NRG1: variants seen among roughly 807,000 people sequenced by gnomAD.
NRG1 encodes pro-neuregulin-1, membrane-bound isoform.
A neutral mutation model predicts 63.8 loss-of-function variants in NRG1; 18 were observed. The observed-to-expected ratio is 0.28, with a 90% CI of 0.19 to 0.42. The LOEUF (loss-of-function observed/expected upper bound fraction) is 0.42. Among genes scored for constraint, NRG1 ranks in the 10% least tolerant of loss-of-function variants. The pLI is 1.00. For synonymous variants in NRG1, 302 were observed against 301.3 expected (o/e 1.00, Z -0.02); for missense variants, 762 against 814.7 (o/e 0.94, Z 0.79).
At chr8:32,254,418 G>T (rs1246812351) in intron 1 of NRG1, among the ~76,000 whole-genome samples, 1 of 152,146 alleles carries the variant, frequency 6.6e-6, no homozygotes, top group Non-Finnish European at 1.5e-5. Flanking sequence ...ATTTATTTCT[G>T]CCTTCATTTC....
chr8:32,474,279 C>T (rs1167694482), intron 1 of NRG1, among the ~76,000 whole-genome samples: 2 of 152,164 alleles, frequency 1.3e-5, no homozygotes, highest in Non-Finnish European at 2.9e-5. Flanking sequence ...ATTCTGGGAA[C>T]TCCTTGAAAT....
chr8:32,681,041 T>A (rs1020322948), intron 5 of NRG1, among the ~76,000 whole-genome samples: 2 of 152,144 alleles, frequency 1.3e-5, no homozygotes, highest in African/African-American at 2.4e-5. Context: ...CAAAGCCAGT[T>A]CTCTTTCCAT....
chr8:31,659,889 T>C (rs1282118272), intron 1 of NRG1, among the ~76,000 whole-genome samples: 1 of 152,154 alleles, frequency 6.6e-6, no homozygotes, highest in Non-Finnish European at 1.5e-5. Context: ...GACTTGGGTG[T>C]ATTTGGTGTG....
At chr8:32,540,463 T>C (rs1462773680) in intron 1 of NRG1, among the ~76,000 whole-genome samples, 5 of 152,156 alleles carry the variant, frequency 3.3e-5, no homozygotes, top group African/African-American at 1.2e-4. Flanking sequence ...AATAAAAATG[T>C]CATTCAATCC....
intron 1 of NRG1, among the ~76,000 whole-genome samples, chr8:32,588,366 A>G (rs1202964950): frequency 6.6e-6 from 1 of 152,186 alleles, no homozygotes; most frequent in Non-Finnish European, 1.5e-5. Context: ...ATCTTAAAGA[A>G]TCATACTGTT....
chr8:32,230,712 A>G (rs2132583171), intron 1 of NRG1, among the ~76,000 whole-genome samples: 1 of 152,284 alleles, frequency 6.6e-6, no homozygotes. Flanking sequence ...ATGTTAAGAA[A>G]CAGGATCTTT....
chr8:32,066,157 G>T (rs569198559), intron 1 of NRG1, among the ~76,000 whole-genome samples: 21 of 152,348 alleles, frequency 1.4e-4, no homozygotes, highest in Non-Finnish European at 2.2e-4. Context: ...TCTGATGGTA[G>T]TTTCTTTTGC....
At chr8:31,726,884 G>T (rs1271746505) in intron 1 of NRG1, among the ~76,000 whole-genome samples, 1 of 152,154 alleles carries the variant, frequency 6.6e-6, no homozygotes, top group Admixed American at 6.5e-5. Context: ...ACAGAGGGTA[G>T]TGTCCAGAGA....
intron 1 of NRG1, among the ~76,000 whole-genome samples, chr8:32,515,621 T>A (rs561958974): frequency 6.6e-6 from 1 of 152,042 alleles, no homozygotes; most frequent in South Asian, 2.1e-4. Context: ...TAAAAAAAAT[T>A]GTAGAAACAA....
chr8:32,500,960 G>C (rs1400680211), intron 1 of NRG1, among the ~76,000 whole-genome samples: 5 of 152,112 alleles, frequency 3.3e-5, no homozygotes, highest in Admixed American at 1.3e-4. Flanking sequence ...AATCCTTACT[G>C]TGTCCAGTGT....
At chr8:32,389,950 G>A (rs1036777898) in intron 1 of NRG1, among the ~76,000 whole-genome samples, 3 of 151,996 alleles carry the variant, frequency 2.0e-5, no homozygotes, top group African/African-American at 7.2e-5. Context: ...AGTAGAAAGA[G>A]GGTTTCACCA....
intron 5 of NRG1, among the ~76,000 whole-genome samples, chr8:32,618,108 G>T (rs1035457392): frequency 6.6e-6 from 1 of 151,942 alleles, no homozygotes; most frequent in Non-Finnish European, 1.5e-5. Context: ...TTCTGCCGGG[G>T]AATTTGTGCT....
intron 1 of NRG1, among the ~76,000 whole-genome samples, chr8:31,866,842 A>G (rs1829004570): frequency 6.6e-6 from 1 of 152,184 alleles, no homozygotes. Flanking sequence ...TTTAAAGTGC[A>G]GGATAAGTGA....
At chr8:32,458,543 TATTTCTG>T (rs1304964337) in intron 1 of NRG1, among the ~76,000 whole-genome samples, 1 of 152,150 alleles carries the variant, frequency 6.6e-6, no homozygotes, top group Non-Finnish European at 1.5e-5. Flanking sequence ...ACAACAAATA[TATTTCTG>T]CCATTTTTTC....
chr8:32,158,823 A>T (rs1025628245), intron 1 of NRG1, among the ~76,000 whole-genome samples: 1 of 152,008 alleles, frequency 6.6e-6, no homozygotes, highest in African/African-American at 2.4e-5. Flanking sequence ...GGGTGAGGGA[A>T]GGGAGGGGAG....
intron 1 of NRG1, among the ~76,000 whole-genome samples, chr8:31,715,780 G>A (rs957138890): frequency 2.0e-5 from 3 of 152,134 alleles, no homozygotes; most frequent in African/African-American, 7.2e-5. Flanking sequence ...TATTCTACAT[G>A]AGAAAATGGG....
chr8:32,595,456 G>A (rs1843184608), intron 1 of NRG1, among the ~76,000 whole-genome samples: 2 of 151,960 alleles, frequency 1.3e-5, no homozygotes, highest in Admixed American at 1.3e-4. Flanking sequence ...CCGTAAGTTG[G>A]GGGATTACAG....
intron 1 of NRG1, among the ~76,000 whole-genome samples, chr8:31,692,463 C>T (rs146922931): frequency 1.5e-3 from 225 of 152,190 alleles, no homozygotes; most frequent in African/African-American, 3.9e-3. Context: ...AGTTAAAACA[C>T]TTATATAAAT....
intron 1 of NRG1, among the ~76,000 whole-genome samples, chr8:31,673,925 C>T (rs1807416293): frequency 6.6e-6 from 1 of 152,094 alleles, no homozygotes; most frequent in Non-Finnish European, 1.5e-5. Flanking sequence ...ACATTTCCAT[C>T]ATCCCCCAAA....
Sources: allele counts gnomAD v4.1 joint callset (sites outside exome capture counted in the v4.1 genomes callset), GRCh38; gene constraint gnomAD v4.1.1; transcripts MANE v1.5; gene names NCBI Gene and HGNC (gene_info 2026-07-23, HGNC 2026-07-21).